Variants in CDC42 observed in about 807,000 individuals in gnomAD.
CDC42 encodes cell division cycle 42, also known as cell division control protein 42 homolog.
In CDC42, 1 loss-of-function variant was observed where a neutral mutation model predicts 20.8. The observed-to-expected ratio is 0.05, with a 90% confidence interval of 0.02 to 0.23. CDC42 has a LOEUF of 0.23. Among genes scored for constraint, CDC42 ranks in the 10% least tolerant of loss-of-function variants. The pLI is 1.00. For missense variants in CDC42, 49 were observed against 227.9 expected (o/e 0.21, Z 5.05); for synonymous variants, 72 against 84.8 (o/e 0.85, Z 0.83).
chr1:22,083,802 A>G (rs1645632444), intron 3 of CDC42, among the ~76,000 whole-genome samples: 1 of 152,222 alleles, frequency 6.6e-6, no homozygotes, highest in African/African-American at 2.4e-5. Context: ...CTTTGCAGTC[A>G]GCCCTGTCCC....
At chr1:22,090,406 TTTACTC>T in intron 5 of CDC42, 1 of 1,001,520 alleles carries the variant, frequency 1.0e-6, no homozygotes, top group Non-Finnish European at 1.2e-6. Context: ...CAAACATCAT[TTTACTC>T]TTATGATCAA....
intron 1 of CDC42, among the ~76,000 whole-genome samples, chr1:22,060,784 A>G (rs1645354238): frequency 1.3e-5 from 2 of 152,236 alleles, no homozygotes; most frequent in East Asian, 1.9e-4. Context: ...TAATACATTC[A>G]TATCACTTGC....
At position 22,093,956 on chromosome 1, in the gene CDC42, C is replaced by T. The variant is rs11577378; in HGVS notation, c.*2439C>T. Reference sequence around the variant, plus strand: ...CATACAGTTGTGTCAACGAATTATCCGTGTATCAGAAGAACAAGGATGATG... The same window carrying T: ...CATACAGTTGTGTCAACGAATTATCTGTGTATCAGAAGAACAAGGATGATG... On this transcript the variant is annotated 3_prime_UTR_variant, in exon 6 of 6. Coordinates refer to ENST00000656825, the MANE Select transcript of CDC42 (RefSeq NM_001791.4). Among the ~76,000 whole-genome samples the T allele has an allele frequency of 0.13, 20,035 of 152,068 alleles. 1,421 individuals carry two copies. Among genetic ancestry groups the T allele is most frequent in the Admixed American group, 0.18 (2,731 of 15,274 alleles).
intron 2 of CDC42, among the ~76,000 whole-genome samples, 160 bp from the exon 3 acceptor site, chr1:22,081,562 A>T (rs531429852): frequency 6.6e-6 from 1 of 152,268 alleles, no homozygotes; most frequent in East Asian, 1.9e-4. Flanking sequence ...CATTTAGCTC[A>T]TGCAAGGACT....
intron 5 of CDC42, among the ~76,000 whole-genome samples, chr1:22,088,576 C>T (rs369323767): frequency 5.9e-5 from 9 of 152,214 alleles, no homozygotes; most frequent in East Asian, 5.8e-4. Flanking sequence ...TTGTTGATTC[C>T]TCTAAAACTA....
intron 2 of CDC42, chr1:22,078,820 G>T: frequency 1.4e-6 from 2 of 1,407,290 alleles, no homozygotes; most frequent in Non-Finnish European, 1.9e-6. Flanking sequence ...AACTCCAGTA[G>T]ACAAGATTCT....
intron 1 of CDC42, among the ~76,000 whole-genome samples, chr1:22,053,090 C>T (rs1443681423): frequency 1.3e-5 from 2 of 151,314 alleles, no homozygotes; most frequent in South Asian, 2.1e-4. Flanking sequence ...TCCCCTCCCC[C>T]CAGCCCGGCC....
chr1:22,055,245 GC>G (rs1469379758), intron 1 of CDC42, among the ~76,000 whole-genome samples: 1 of 151,686 alleles, frequency 6.6e-6, no homozygotes, highest in East Asian at 1.9e-4. Flanking sequence ...GAGCCACCGT[GC>G]CCGGCCTGAA....
chr1:22,057,385 TTTC>T (rs1227169596), intron 1 of CDC42, among the ~76,000 whole-genome samples: 1 of 152,202 alleles, frequency 6.6e-6, no homozygotes, highest in Non-Finnish European at 1.5e-5. Flanking sequence ...TCCAAAAACA[TTTC>T]TTTTTTCTTT....
chr1:22,094,296 T>A lies in CDC42; in HGVS notation c.*2779T>A, dbSNP rs1024348489. Among the ~76,000 whole-genome samples, 3 of 37,482 alleles carry A rather than the reference T, an allele frequency of 8.0e-5. No homozygotes were observed. Among genetic ancestry groups the A allele is most frequent in the Admixed American group, 3.3e-4 (1 of 3,018 alleles). 24.6% of individuals were successfully genotyped at this position (37,482 alleles called of 152,430 possible). A position where few individuals can be genotyped will look rare whatever the true frequency, so the allele number is the denominator to read the frequency against. ...TTTACTGAACATCCTAGAAATAGATTTTTTTTTTTTTTTTTTTTTGAGACG... is the reference window on the plus strand; with the variant it reads ...TTTACTGAACATCCTAGAAATAGATATTTTTTTTTTTTTTTTTTTGAGACG... On this transcript the variant is annotated 3_prime_UTR_variant, in exon 6 of 6. Transcript: ENST00000656825.
rs1003622766 is a variant in CDC42 at position 22,092,970 on chromosome 1, C to T, written c.*1453C>T. The T allele has an allele frequency of 2.0e-5, 3 of 152,572 alleles. No individual in the cohort carries two copies. The highest frequency in any genetic ancestry group is 7.2e-5 in the African/African-American group (3 of 41,420). 9.5% of individuals were successfully genotyped at this position (152,572 alleles called of 1,614,324 possible). On this transcript the variant is annotated 3_prime_UTR_variant, in exon 6 of 6. Transcript: ENST00000656825. ...AAGCCAGCCTGAGGGTTGTTATTTT[C>T]CCTCCGTCTCTTACTTTTCAGATAT...
intron 1 of CDC42, among the ~76,000 whole-genome samples, chr1:22,055,892 G>T (rs1645300498): frequency 7.1e-6 from 1 of 140,662 alleles, no homozygotes. Context: ...TTTTTGAGAG[G>T]ATGAGAAACA....
rs1368499589 is a variant in CDC42, at chr1:22,093,408, C to G, written c.*1891C>G. Among the ~76,000 whole-genome samples the G allele has an allele frequency of 6.6e-6, 1 of 152,202 alleles. No individual in the cohort carries two copies. Among genetic ancestry groups the G allele is most frequent in the Admixed American group, 6.5e-5 (1 of 15,286 alleles). ...AATCACCACACCTAGTTGGTTATCT[C>G]AAACTACTACTATCAGAATACAGGT... On this transcript the variant is annotated 3_prime_UTR_variant, in exon 6 of 6. Coordinates refer to ENST00000656825, the MANE Select transcript of CDC42 (RefSeq NM_001791.4).
In CDC42 at chr1:22,059,128, AT is replaced by A. The variant is rs562685088; in HGVS notation, c.-51+6400del. The A allele has an allele frequency of 4.2e-3, 600 of 142,412 alleles. 3 individuals carry two copies. The highest frequency in any genetic ancestry group is 0.011 in the African/African-American group (424 of 38,900). The allele number at this position is 142,412 out of a possible 1,614,324, so 8.8% of individuals were successfully genotyped here. On this transcript the variant is annotated intron_variant, in intron 1 of 5. Transcript: ENST00000656825. ...TTGTGAGCCTCTGCACCGGGCCTTA[AT>A]TTTTTTTTTTTTTGAGACGGAGTTT...
At chr1:22,087,362 G>A (rs10917147) in intron 5 of CDC42, among the ~76,000 whole-genome samples, 1,683 of 152,264 alleles carry the variant, frequency 0.011, 30 homozygotes, top group African/African-American at 0.038. Context: ...CAGTTCTCAA[G>A]CGTGCTTTAT....
rs113773054 is a variant in CDC42, at chr1:22,072,318, C to T, written c.-50-6111C>T. Among the ~76,000 whole-genome samples, 21 of 151,990 alleles carry T rather than the reference C, an allele frequency of 1.4e-4. No homozygotes were observed. The East Asian group carries it at 2.1e-3, about 15-fold the overall frequency. Reference sequence around the variant, plus strand: ...TTCGCCATGTTAGCCAGAATGGTCTCGATCTCCTGACCTCATGATCTGCCC... The same window carrying T: ...TTCGCCATGTTAGCCAGAATGGTCTTGATCTCCTGACCTCATGATCTGCCC... On this transcript the variant is annotated intron_variant, in intron 1 of 5. Coordinates refer to ENST00000656825, the MANE Select transcript of CDC42 (RefSeq NM_001791.4).
rs1001810626 is a variant in CDC42, at chr1:22,055,204, C to T, written c.-51+2462C>T. Among the ~76,000 whole-genome samples, 7 of 151,484 alleles carry T rather than the reference C, an allele frequency of 4.6e-5. No homozygotes were observed. In the East Asian group the frequency reaches 1.4e-3, roughly 29 times the overall value. ...TCCTGACCTCGTGATCCGCCCGCCT[C>T]GTCCCCGCAAAGTGCTGAGATTACA... On this transcript the variant is annotated intron_variant, in intron 1 of 5. Transcript: ENST00000656825.
rs10609742 is a variant in CDC42, at chr1:22,079,139, CTT to C, written c.105+572_105+573del. ...CCCACAACTGTTCTTTTCTTTTTTTCTTTTTTTTTTTTTTTTTGAGATGGAGT... is the reference window on the plus strand; with the variant it reads ...CCCACAACTGTTCTTTTCTTTTTTTCTTTTTTTTTTTTTTTGAGATGGAGT... On this transcript the variant is annotated intron_variant, in intron 2 of 5. Coordinates refer to ENST00000656825, the MANE Select transcript of CDC42 (RefSeq NM_001791.4). Among the ~76,000 whole-genome samples the C allele has an allele frequency of 9.3e-4, 108 of 116,696 alleles. 1 individual carries two copies. Among genetic ancestry groups the C allele is most frequent in the African/African-American group, 2.0e-3 (56 of 27,640 alleles). 76.6% of individuals were successfully genotyped at this position (116,696 alleles called of 152,430 possible).
chr1:22,078,758 G>A (rs543598761), intron 2 of CDC42, 175 bp downstream of exon 2: 1 of 1,489,332 alleles, frequency 6.7e-7, no homozygotes, highest in Non-Finnish European at 8.9e-7. Context: ...TGAAAAATCA[G>A]TGGAAAGTCA....
Sources: allele counts gnomAD v4.1 joint callset (sites outside exome capture counted in the v4.1 genomes callset), GRCh38; gene constraint gnomAD v4.1.1; transcripts MANE v1.5; gene names NCBI Gene and HGNC (gene_info 2026-07-23, HGNC 2026-07-21).